The following SLC9A9 variants were observed in gnomAD, a reference collection of about 807,000 sequenced individuals.
SLC9A9 encodes sodium/hydrogen exchanger 9.
Under a neutral mutation model 77.8 loss-of-function variants are expected in SLC9A9, and 62 were observed. That is an observed-to-expected ratio of 0.80 (90% CI 0.65 to 0.98). SLC9A9 has a LOEUF of 0.98. SLC9A9 is among the 50% of genes least tolerant of loss of function. SLC9A9 has a pLI of 0.00. For missense variants in SLC9A9, 775 were observed against 774.9 expected, an observed-to-expected ratio of 1.00 and a Z score of 0.00; for synonymous variants, 320 against 283.5, an observed-to-expected ratio of 1.13 and a Z score of -1.29.
chr3:143,506,647 A>T (rs916428643), intron 9 of SLC9A9, among the ~76,000 whole-genome samples: 1 of 152,106 alleles, frequency 6.6e-6, no homozygotes, highest in African/African-American at 2.4e-5. Flanking sequence ...TGGCTGACAT[A>T]TGAGGTCTTG....
chr3:143,723,717 A>G (rs1934563394), intron 4 of SLC9A9, among the ~76,000 whole-genome samples: 1 of 152,222 alleles, frequency 6.6e-6, no homozygotes, highest in Non-Finnish European at 1.5e-5. Flanking sequence ...GAGCATGGTC[A>G]GGGGACCAGT....
intron 9 of SLC9A9, among the ~76,000 whole-genome samples, chr3:143,522,774 C>T (rs1368978350): frequency 1.3e-5 from 2 of 152,106 alleles, no homozygotes; most frequent in Admixed American, 6.5e-5. Context: ...ACCTTGCCAC[C>T]TCATGCCGTT....
intron 8 of SLC9A9, among the ~76,000 whole-genome samples, chr3:143,569,682 A>C (rs185021332): frequency 5.1e-4 from 77 of 152,250 alleles, no homozygotes; most frequent in South Asian, 1.4e-3. Context: ...AAACTTGAAA[A>C]TGCCTATGCC....
intron 4 of SLC9A9, among the ~76,000 whole-genome samples, chr3:143,789,979 A>T (rs1308978103): frequency 6.6e-6 from 1 of 152,132 alleles, no homozygotes; most frequent in Non-Finnish European, 1.5e-5. Context: ...CCCTACCCCA[A>T]ATCTCATGTT....
At chr3:143,699,755 C>A (rs903975116) in intron 4 of SLC9A9, among the ~76,000 whole-genome samples, 5 of 152,062 alleles carry the variant, frequency 3.3e-5, no homozygotes, top group Non-Finnish European at 5.9e-5. Context: ...GTCTAGGGTA[C>A]AAGGACTCAA....
At chr3:143,505,449 A>G (rs561509788) in intron 9 of SLC9A9, among the ~76,000 whole-genome samples, 3 of 152,344 alleles carry the variant, frequency 2.0e-5, no homozygotes, top group South Asian at 2.1e-4. Flanking sequence ...AATGTCATCC[A>G]GTTTGGCAGG....
At chr3:143,695,260 C>T (rs138118127) in intron 4 of SLC9A9, among the ~76,000 whole-genome samples, 302 of 152,136 alleles carry the variant, frequency 2.0e-3, no homozygotes, top group African/African-American at 7.2e-3. Flanking sequence ...TAAGTATATA[C>T]ATGCCATGGT....
In SLC9A9 at chr3:143,770,811, C is replaced by T. The variant is rs1026972594; in HGVS notation, c.533+24190G>A. On this transcript the variant is annotated intron_variant, in intron 4 of 15. Coordinates refer to ENST00000316549, the MANE Select transcript of SLC9A9 (RefSeq NM_173653.4). The stretch of plus-strand genomic sequence containing the variant: ...CATGACAAAAGACTAAACTCATAGA[C>T]GTAAGATGAGCTCCTGCAACCTAAT... Among the ~76,000 whole-genome samples the T allele has an allele frequency of 2.3e-4, 35 of 152,110 alleles. 1 individual carries two copies. The highest frequency in any genetic ancestry group is 1.6e-3 in the Admixed American group (24 of 15,276).
intron 13 of SLC9A9, among the ~76,000 whole-genome samples, chr3:143,366,754 C>T (rs6414355): frequency 0.72 from 109,301 of 152,072 alleles, 40,241 homozygotes; most frequent in African/African-American, 0.89. Context: ...GAAACTGATG[C>T]ACTGGGATAC....
At chr3:143,571,693 C>A (rs961463417) in intron 8 of SLC9A9, among the ~76,000 whole-genome samples, 4 of 152,050 alleles carry the variant, frequency 2.6e-5, no homozygotes, top group Admixed American at 1.3e-4. Context: ...GCTTTGACTG[C>A]CAGAAAGCTC....
At chr3:143,610,729 T>C (rs908053268) in intron 6 of SLC9A9, among the ~76,000 whole-genome samples, 1 of 152,154 alleles carries the variant, frequency 6.6e-6, no homozygotes, top group Non-Finnish European at 1.5e-5. Flanking sequence ...GCTCCCAGAA[T>C]GTTGGCATTC....
intron 5 of SLC9A9, among the ~76,000 whole-genome samples, chr3:143,673,046 C>T (rs1463465355): frequency 2.0e-5 from 3 of 152,154 alleles, no homozygotes; most frequent in African/African-American, 7.2e-5. Flanking sequence ...CTACAGCAAA[C>T]TTTAAAGGAT....
At chr3:143,772,617 C>T (rs1187906236) in intron 4 of SLC9A9, among the ~76,000 whole-genome samples, 1 of 152,128 alleles carries the variant, frequency 6.6e-6, no homozygotes, top group African/African-American at 2.4e-5. Flanking sequence ...TACCATAGCA[C>T]TTAAACACTC....
At chr3:143,438,727 A>G (rs2034670603) in intron 12 of SLC9A9, among the ~76,000 whole-genome samples, 1 of 152,140 alleles carries the variant, frequency 6.6e-6, no homozygotes, top group South Asian at 2.1e-4. Context: ...GCAGCAAAGG[A>G]AACCAAGTTT....
chr3:143,797,753 C>T (rs1195328021), intron 2 of SLC9A9, among the ~76,000 whole-genome samples: 1 of 152,146 alleles, frequency 6.6e-6, no homozygotes, highest in African/African-American at 2.4e-5. Context: ...CCGCCCCTGC[C>T]CACCAGAGAA....
At chr3:143,344,023 GAGA>G (rs1355438126) in intron 14 of SLC9A9, among the ~76,000 whole-genome samples, 1 of 152,140 alleles carries the variant, frequency 6.6e-6, no homozygotes, top group African/African-American at 2.4e-5. Flanking sequence ...AAACAGCAGG[GAGA>G]AGAATCATGT....
chr3:143,346,603 C>T (rs2032282141), intron 14 of SLC9A9, among the ~76,000 whole-genome samples: 1 of 152,072 alleles, frequency 6.6e-6, no homozygotes, highest in Non-Finnish European at 1.5e-5. Flanking sequence ...GCTTGGCCAA[C>T]ATGGTGAAAC....
At position 143,578,651 on chromosome 3, in the gene SLC9A9, C is replaced by T. The variant is rs141404629; in HGVS notation, c.828G>A (p.Gly276=). The T allele has an allele frequency of 1.5e-4, 247 of 1,614,100 alleles. 1 individual carries two copies. The African/African-American group carries it at 2.1e-3, about 14-fold the overall frequency. Residue 276 remains glycine (G), a synonymous_variant, in exon 7 of 16, where the codon GGG becomes GGA. Transcript: ENST00000316549. ...AGCCAGCGAAGATTCCCAGGAAATT[C>T]CCCACAGACTGGAAGAATGCTGCGG... The part of the protein sequence containing the change: ...FDAAAFFQSV[G]NFLGIFAGSF...
At chr3:143,518,829 G>A (rs2036247235) in intron 9 of SLC9A9, among the ~76,000 whole-genome samples, 1 of 152,120 alleles carries the variant, frequency 6.6e-6, no homozygotes, top group South Asian at 2.1e-4. Flanking sequence ...ATAACAAACA[G>A]TGGAACAGTG....
Sources: allele counts gnomAD v4.1 joint callset (sites outside exome capture counted in the v4.1 genomes callset), GRCh38; gene constraint gnomAD v4.1.1; transcripts MANE v1.5; gene names NCBI Gene and HGNC (gene_info 2026-07-23, HGNC 2026-07-21).